Variants in NALF1 observed in about 807,000 individuals in gnomAD.
NALF1 encodes NALCN channel auxiliary factor 1.
In NALF1, 3 loss-of-function variants were observed where a neutral mutation model predicts 48.4. That is an observed-to-expected ratio of 0.06 (90% CI 0.03 to 0.16). The LOEUF (loss-of-function observed/expected upper bound fraction) is 0.16. Ranked by LOEUF, NALF1 falls within the 10% of genes least tolerant of loss-of-function variation. The pLI is 1.00. For missense variants in NALF1, 526 were observed against 571.5 expected (o/e 0.92, Z 0.81); for synonymous variants, 262 against 245.7 (o/e 1.07, Z -0.62).
At chr13:107,664,028 T>C (rs1004646279) in intron 1 of NALF1, among the ~76,000 whole-genome samples, 5 of 152,122 alleles carry the variant, frequency 3.3e-5, no homozygotes, top group African/African-American at 1.2e-4. Context: ...ATCTCCACCA[T>C]AGTCCAAGCC....
chr13:107,698,549 A>C (rs1432363925), intron 1 of NALF1, among the ~76,000 whole-genome samples: 5 of 152,084 alleles, frequency 3.3e-5, no homozygotes, highest in Admixed American at 2.6e-4. Flanking sequence ...ATAGATTTAC[A>C]TGTATATAGA....
At chr13:107,424,152 A>C (rs138606876) in intron 1 of NALF1, among the ~76,000 whole-genome samples, 35 of 152,066 alleles carry the variant, frequency 2.3e-4, no homozygotes, top group Non-Finnish European at 4.1e-4. Flanking sequence ...TTATTTATTT[A>C]TTTGAGACAG....
chr13:107,648,112 C>T (rs1392938785), intron 1 of NALF1, among the ~76,000 whole-genome samples: 1 of 151,498 alleles, frequency 6.6e-6, no homozygotes, highest in Admixed American at 6.6e-5. Context: ...CATATGTCAC[C>T]CCCCATACAC....
chr13:107,343,916 T>G (rs189140817), intron 1 of NALF1, among the ~76,000 whole-genome samples: 8 of 150,000 alleles, frequency 5.3e-5, no homozygotes, highest in African/African-American at 1.5e-4. Context: ...AAACACAGAG[T>G]TTTTTTTTGA....
At chr13:107,742,429 C>T (rs1219052663) in intron 1 of NALF1, among the ~76,000 whole-genome samples, 1 of 152,136 alleles carries the variant, frequency 6.6e-6, no homozygotes, top group African/African-American at 2.4e-5. Flanking sequence ...ATCATGGGGG[C>T]GGTTACTCCC....
At chr13:107,687,218 G>A (rs1488128098) in intron 1 of NALF1, among the ~76,000 whole-genome samples, 1 of 152,070 alleles carries the variant, frequency 6.6e-6, no homozygotes, top group Admixed American at 6.6e-5. Context: ...AATGCTGACT[G>A]TTCTCAGCTA....
intron 1 of NALF1, among the ~76,000 whole-genome samples, chr13:107,741,161 C>T (rs989648274): frequency 3.3e-5 from 5 of 152,286 alleles, no homozygotes; most frequent in Non-Finnish European, 5.9e-5. Context: ...ATCCACAGCA[C>T]ATTTGACATA....
chr13:107,544,139 T>C (rs930573340), intron 1 of NALF1, among the ~76,000 whole-genome samples: 9 of 152,174 alleles, frequency 5.9e-5, no homozygotes, highest in African/African-American at 1.9e-4. Flanking sequence ...GATAATAGCA[T>C]GCCATATGCA....
chr13:107,507,721 A>G (rs866261500), intron 1 of NALF1, among the ~76,000 whole-genome samples: 1 of 151,730 alleles, frequency 6.6e-6, no homozygotes, highest in African/African-American at 2.4e-5. Context: ...GCCTCTTAAT[A>G]TTGAGATTCT....
At chr13:107,845,964 A>AAT (rs925643020) in intron 1 of NALF1, among the ~76,000 whole-genome samples, 1 of 152,272 alleles carries the variant, frequency 6.6e-6, no homozygotes. Flanking sequence ...AATACATATG[A>AAT]ATATATATAT....
intron 1 of NALF1, among the ~76,000 whole-genome samples, chr13:107,629,799 G>GAT (rs1879783595): frequency 6.6e-6 from 1 of 151,930 alleles, no homozygotes. Flanking sequence ...TATTACTTGA[G>GAT]ATATATATGA....
At chr13:107,278,027 C>T (rs977034074) in intron 1 of NALF1, among the ~76,000 whole-genome samples, 4 of 152,150 alleles carry the variant, frequency 2.6e-5, no homozygotes, top group African/African-American at 9.7e-5. Context: ...GTGTTTCCAT[C>T]TTATACAATG....
intron 1 of NALF1, among the ~76,000 whole-genome samples, chr13:107,500,743 G>T (rs1375935509): frequency 2.6e-5 from 4 of 151,324 alleles, no homozygotes; most frequent in African/African-American, 9.7e-5. Context: ...AGAAAATGTG[G>T]CACATATACA....
intron 1 of NALF1, among the ~76,000 whole-genome samples, chr13:107,422,929 G>T (rs949557823): frequency 1.3e-5 from 2 of 152,128 alleles, no homozygotes; most frequent in African/African-American, 4.8e-5. Flanking sequence ...AGCTGGGAAG[G>T]CAAGGAAATG....
intron 1 of NALF1, among the ~76,000 whole-genome samples, chr13:107,287,205 A>G (rs1217444510): frequency 6.6e-6 from 1 of 152,232 alleles, no homozygotes; most frequent in Non-Finnish European, 1.5e-5. Context: ...CGTCTCCCCA[A>G]CCACCCATCA....
chr13:107,527,189 G>C (rs913167163), intron 1 of NALF1, among the ~76,000 whole-genome samples: 3 of 152,148 alleles, frequency 2.0e-5, no homozygotes, highest in Non-Finnish European at 4.4e-5. Context: ...GGGAATTACA[G>C]CTGCTGACCC....
chr13:107,696,226 T>C (rs1022263469), intron 1 of NALF1, among the ~76,000 whole-genome samples: 29 of 152,198 alleles, frequency 1.9e-4, no homozygotes, highest in Admixed American at 7.2e-4. Flanking sequence ...AAAGCCTTTA[T>C]TTGCTAGTCA....
intron 1 of NALF1, among the ~76,000 whole-genome samples, chr13:107,520,485 T>C (rs1468109252): frequency 6.6e-6 from 1 of 152,226 alleles, no homozygotes; most frequent in African/African-American, 2.4e-5. Context: ...ATGAGATGTC[T>C]TTTGACATAA....
chr13:107,773,873 TATA>T (rs756195434), intron 1 of NALF1, among the ~76,000 whole-genome samples: 41 of 152,064 alleles, frequency 2.7e-4, no homozygotes, highest in South Asian at 1.2e-3. Flanking sequence ...AAACATAAAG[TATA>T]ATAATAATAA....
Sources: allele counts gnomAD v4.1 joint callset (sites outside exome capture counted in the v4.1 genomes callset), GRCh38; gene constraint gnomAD v4.1.1; transcripts MANE v1.5; gene names NCBI Gene and HGNC (gene_info 2026-07-23, HGNC 2026-07-21).